Variants in NFIA observed in about 807,000 individuals in gnomAD.
NFIA encodes nuclear factor 1 A-type.
Under a neutral mutation model 62.8 loss-of-function variants are expected in NFIA, and 8 were observed. That is an observed-to-expected ratio of 0.13 (90% CI 0.07 to 0.23). The LOEUF is 0.23. Among genes scored for constraint, NFIA ranks in the 10% least tolerant of loss-of-function variants. The probability of loss-of-function intolerance (pLI) is 1.00; values close to 1 mark genes in which losing one functional copy is unlikely to be tolerated. For missense variants in NFIA, 410 were observed against 642.1 expected (o/e 0.64, Z 3.91); for synonymous variants, 235 against 238.1 (o/e 0.99, Z 0.12).
At chr1:61,365,826 G>T (rs1663556247) in intron 6 of NFIA, among the ~76,000 whole-genome samples, 1 of 152,160 alleles carries the variant, frequency 6.6e-6, no homozygotes, top group African/African-American at 2.4e-5. Context: ...AAAGTCCTTT[G>T]TGAAAATTAA....
intron 2 of NFIA, among the ~76,000 whole-genome samples, chr1:61,226,338 T>C (rs1259699818): frequency 6.6e-6 from 1 of 152,240 alleles, no homozygotes; most frequent in Non-Finnish European, 1.5e-5. Context: ...CACCTTTTAG[T>C]GTTATCTGTC....
chr1:61,173,805 G>A (rs567982985), intron 2 of NFIA, among the ~76,000 whole-genome samples: 9 of 152,276 alleles, frequency 5.9e-5, no homozygotes, highest in African/African-American at 2.2e-4. Context: ...GCATAGCCCT[G>A]CCCATTTCCA....
At chr1:61,347,317 G>A (rs964570284) in intron 4 of NFIA, among the ~76,000 whole-genome samples, 1 of 151,550 alleles carries the variant, frequency 6.6e-6, no homozygotes, top group Non-Finnish European at 1.5e-5. Context: ...GGGACTACAG[G>A]CGCCCACCAC....
intron 4 of NFIA, among the ~76,000 whole-genome samples, chr1:61,344,807 G>A (rs1009564022): frequency 3.3e-5 from 5 of 152,218 alleles, no homozygotes; most frequent in African/African-American, 7.2e-5. Flanking sequence ...TTAGCACACT[G>A]TAATCTCTCA....
intron 2 of NFIA, among the ~76,000 whole-genome samples, chr1:61,141,312 A>G (rs1217528939): frequency 6.6e-6 from 1 of 152,076 alleles, no homozygotes; most frequent in Non-Finnish European, 1.5e-5. Context: ...TGTTTTTCCA[A>G]TACATCTGCT....
At chr1:61,203,468 C>T (rs996826384) in intron 2 of NFIA, among the ~76,000 whole-genome samples, 2 of 152,144 alleles carry the variant, frequency 1.3e-5, no homozygotes, top group Admixed American at 6.5e-5. Context: ...CTTTTCTATG[C>T]CTGTTTTTCT....
intron 2 of NFIA, chr1:61,124,886 G>A (rs536604939): frequency 1.3e-5 from 2 of 152,218 alleles, no homozygotes; most frequent in South Asian, 4.1e-4. Context: ...GGGAATCCAG[G>A]TGGCCATGTT....
intron 2 of NFIA, among the ~76,000 whole-genome samples, chr1:61,105,108 G>T (rs1183255015): frequency 6.6e-6 from 1 of 151,944 alleles, no homozygotes; most frequent in Non-Finnish European, 1.5e-5. Flanking sequence ...TTAATAATAG[G>T]GGATTGTGTG....
chr1:61,128,915 G>GTTTTTTTTTTTT (rs10635152), intron 2 of NFIA, among the ~76,000 whole-genome samples: 14 of 74,138 alleles, frequency 1.9e-4, no homozygotes, highest in East Asian at 5.0e-4. Context: ...GCTTACTTAT[G>GTTTTTTTTTTTT]TTTTTTTTTT....
chr1:61,319,218 T>A (rs1660532938), intron 3 of NFIA, among the ~76,000 whole-genome samples: 1 of 152,202 alleles, frequency 6.6e-6, no homozygotes, highest in Admixed American at 6.5e-5. Flanking sequence ...TAATTACTAA[T>A]CTTTCTCTTG....
At position 61,114,970 on chromosome 1, in the gene NFIA, G is replaced by GTTTGT. The variant is rs1249975885; in HGVS notation, c.559+26304_559+26308dup. Reference sequence around the variant, plus strand: ...AGTGAATATATATATATTTGTTGTTGTTTGTTTTGTTTTGTTTTTGTTTAT... The same window carrying GTTTGT: ...AGTGAATATATATATATTTGTTGTTGTTTGTTTTGTTTTGTTTTGTTTTTGTTTAT... On this transcript the variant is annotated intron_variant, in intron 2 of 10. Transcript: ENST00000403491. Among the ~76,000 whole-genome samples the GTTTGT allele has an allele frequency of 7.9e-5, 12 of 152,130 alleles. No individual in the cohort carries two copies. The East Asian group carries it at 1.9e-3, about 24-fold the overall frequency.
intron 2 of NFIA, among the ~76,000 whole-genome samples, chr1:61,134,881 G>A (rs1401510035): frequency 6.6e-6 from 1 of 152,192 alleles, no homozygotes; most frequent in Non-Finnish European, 1.5e-5. Context: ...ATATGCTTAT[G>A]TGTTGTAATA....
intron 2 of NFIA, among the ~76,000 whole-genome samples, chr1:61,254,892 A>T (rs1230066185): frequency 6.6e-6 from 1 of 152,200 alleles, no homozygotes; most frequent in East Asian, 1.9e-4. Flanking sequence ...CACACTGTGA[A>T]TTGTAATTAA....
intron 3 of NFIA, among the ~76,000 whole-genome samples, chr1:61,319,457 A>G (rs1660546940): frequency 6.6e-6 from 1 of 152,222 alleles, no homozygotes; most frequent in East Asian, 1.9e-4. Context: ...CATTGTACAA[A>G]TGGTAGAATC....
chr1:61,452,084 A>G (rs145112062), intron 10 of NFIA, among the ~76,000 whole-genome samples: 131 of 152,310 alleles, frequency 8.6e-4, no homozygotes, highest in Non-Finnish European at 1.8e-3. Flanking sequence ...AAATATCACA[A>G]GAGAAAAGTA....
chr1:61,455,513 A>ATTTT lies in NFIA; in HGVS notation c.*203_*206dup. The ATTTT allele has an allele frequency of 5.1e-6, 3 of 583,156 alleles. No individual in the cohort carries two copies. The highest frequency in any genetic ancestry group is 8.6e-6 in the Non-Finnish European group (3 of 350,238). The allele number at this position is 583,156 out of a possible 1,614,324, so 36.1% of individuals were successfully genotyped here. Reference sequence around the variant, plus strand: ...ACAGCAAAGGCCATAACCTTTTGGGATTTTTTTTTTTTTAAAATACTTTAG... The same window carrying ATTTT: ...ACAGCAAAGGCCATAACCTTTTGGGATTTTTTTTTTTTTTTTTAAAATACTTTAG... On this transcript the variant is annotated 3_prime_UTR_variant, in exon 11 of 11. Transcript: ENST00000403491.
intron 2 of NFIA, among the ~76,000 whole-genome samples, chr1:61,151,364 C>T (rs1304315148): frequency 3.4e-5 from 5 of 147,370 alleles, no homozygotes; most frequent in African/African-American, 7.5e-5. Flanking sequence ...CTTGCACCAC[C>T]GTGCCTGGCT....
chr1:61,178,892 A>G (rs1226685919), intron 2 of NFIA, among the ~76,000 whole-genome samples: 1 of 152,206 alleles, frequency 6.6e-6, no homozygotes, highest in Non-Finnish European at 1.5e-5. Context: ...CGGATGCCCT[A>G]ATGAGCAGAT....
chr1:61,441,944 C>T (rs12239047), intron 10 of NFIA, among the ~76,000 whole-genome samples: 3,111 of 151,656 alleles, frequency 0.021, 107 homozygotes, highest in African/African-American at 0.072. Context: ...TCCAGGAAGG[C>T]GGTTTGCTTG....
Sources: allele counts gnomAD v4.1 joint callset (sites outside exome capture counted in the v4.1 genomes callset), GRCh38; gene constraint gnomAD v4.1.1; transcripts MANE v1.5; gene names NCBI Gene and HGNC (gene_info 2026-07-23, HGNC 2026-07-21).